Variants in CPSF2 observed in about 807,000 individuals in gnomAD.
The protein encoded by CPSF2 is cleavage and polyadenylation specific factor 2.
Under a neutral mutation model 84.2 loss-of-function variants are expected in CPSF2, and 51 were observed. The observed-to-expected ratio is 0.61, with a 90% CI of 0.48 to 0.77. The LOEUF is 0.77. CPSF2 is among the 30% of genes least tolerant of loss of function. The pLI is 0.00. For synonymous variants in CPSF2, 286 were observed against 311.9 expected, an observed-to-expected ratio of 0.92 and a Z score of 0.87; for missense variants, 641 against 929.4, an observed-to-expected ratio of 0.69 and a Z score of 4.03.
intron 9 of CPSF2, among the ~76,000 whole-genome samples, chr14:92,145,308 A>G (rs1258919475): frequency 1.3e-5 from 2 of 152,050 alleles, no homozygotes; most frequent in Non-Finnish European, 1.5e-5. Flanking sequence ...ATCATAGCTC[A>G]CTGTACCCTC....
At position 92,155,172 on chromosome 14, in the gene CPSF2, C is replaced by A; in HGVS notation, c.1291C>A (p.Gln431Lys). The change falls in exon 11 of 16, where the codon CAG becomes AAG. Residue 431 changes from glutamine to lysine, a missense_variant. Gln to Lys is a moderately conservative substitution (Grantham distance 53). This residue lies in a region of CPSF2 where 430 missense variants were observed against 553.6 expected (regional missense o/e 0.78). Coordinates refer to ENST00000298875, the MANE Select transcript of CPSF2 (RefSeq NM_017437.3). ...GAGTGATATTGAGGAAGATATTGACCAGCCATCAGCTCATAAGACGAAGCA... is the reference window on the plus strand; with the variant it reads ...GAGTGATATTGAGGAAGATATTGACAAGCCATCAGCTCATAAGACGAAGCA... ...DESDIEEDID[Q>K]PSAHKTKHDL... The A allele has an allele frequency of 6.2e-7, 1 of 1,613,884 alleles. No homozygotes were observed. The highest frequency in any genetic ancestry group is 8.5e-7 in the Non-Finnish European group (1 of 1,179,894).
intron 15 of CPSF2, 134 bp downstream of exon 15, chr14:92,161,380 A>G: frequency 9.7e-7 from 1 of 1,027,460 alleles, no homozygotes; most frequent in African/African-American, 1.7e-5. Flanking sequence ...CATGACCTCA[A>G]AGGCTTACAG....
intron 5 of CPSF2, among the ~76,000 whole-genome samples, chr14:92,135,104 C>T (rs534389155): frequency 6.6e-6 from 1 of 152,254 alleles, no homozygotes; most frequent in African/African-American, 2.4e-5. Context: ...GCTTTTAAAT[C>T]TAATCTCTAG....
At position 92,164,241 on chromosome 14, in the gene CPSF2, C is replaced by T. The variant is rs1473305496; in HGVS notation, c.*2497C>T. Reference sequence around the variant, plus strand: ...TTCTTTATAGCAGTGTGAGAACAGACTAATATGAATACCAATACTGAAAAA... The same window carrying T: ...TTCTTTATAGCAGTGTGAGAACAGATTAATATGAATACCAATACTGAAAAA... On this transcript the variant is annotated 3_prime_UTR_variant, in exon 16 of 16. Transcript: ENST00000298875. The T allele has an allele frequency of 6.6e-6, 1 of 152,174 alleles. No homozygotes were observed. Among genetic ancestry groups the T allele is most frequent in the Admixed American group, 6.5e-5 (1 of 15,268 alleles). 9.4% of individuals were successfully genotyped at this position (152,174 alleles called of 1,614,324 possible). A position where few individuals can be genotyped will look rare whatever the true frequency, so the allele number is the denominator to read the frequency against.
intron 7 of CPSF2, among the ~76,000 whole-genome samples, chr14:92,139,950 A>ATTTTTTTTTT (rs34354391): frequency 2.0e-5 from 2 of 97,668 alleles, no homozygotes; most frequent in Admixed American, 1.2e-4. Context: ...AAGTACAACT[A>ATTTTTTTTTT]TTTTTTTTTT....
At chr14:92,134,491 A>T in intron 5 of CPSF2, 136 bp downstream of exon 5, 1 of 616,444 alleles carries the variant, frequency 1.6e-6, no homozygotes, top group Non-Finnish European at 2.9e-6. Context: ...CTGCCTTGAT[A>T]CAGAACTCTT....
intron 9 of CPSF2, among the ~76,000 whole-genome samples, chr14:92,148,389 G>A (rs1054006214): frequency 1.3e-5 from 2 of 152,080 alleles, no homozygotes; most frequent in Non-Finnish European, 2.9e-5. Flanking sequence ...GCAATCTCCA[G>A]CAAAACTGTG....
chr14:92,143,921 G>A (rs543591895), intron 9 of CPSF2, among the ~76,000 whole-genome samples: 1 of 152,264 alleles, frequency 6.6e-6, no homozygotes, highest in African/African-American at 2.4e-5. Context: ...TCTGTGAAAG[G>A]TTCCTTTCCT....
rs573911167 is a variant in CPSF2 at position 92,163,599 on chromosome 14, A to G, written c.*1855A>G. On this transcript the variant is annotated 3_prime_UTR_variant, in exon 16 of 16. Coordinates refer to ENST00000298875, the MANE Select transcript of CPSF2 (RefSeq NM_017437.3). ...GTCCCCACCAAATTGAATTGTGTTA[A>G]TAGTTCCCATAATCCCTACGTGTTG... 6.5e-6 allele frequency: 1 copy of G among 152,756 alleles called. No individual in the cohort carries two copies. Among genetic ancestry groups the G allele is most frequent in the East Asian group, 1.9e-4 (1 of 5,180 alleles). 9.5% of individuals were successfully genotyped at this position (152,756 alleles called of 1,614,324 possible).
At chr14:92,145,051 A>G (rs1408667085) in intron 9 of CPSF2, among the ~76,000 whole-genome samples, 1 of 152,208 alleles carries the variant, frequency 6.6e-6, no homozygotes, top group African/African-American at 2.4e-5. Flanking sequence ...CCAGCCCATC[A>G]AATCTATCGA....
intron 2 of CPSF2, among the ~76,000 whole-genome samples, chr14:92,130,334 A>G (rs1040609199): frequency 6.6e-6 from 1 of 152,094 alleles, no homozygotes; most frequent in Non-Finnish European, 1.5e-5. Flanking sequence ...CAGATTCTCA[A>G]GGGGATCTAT....
rs751737482 is a variant in CPSF2, at chr14:92,157,874, AC to A, written c.1812del (p.His604GlnfsTer5). The A allele has an allele frequency of 6.2e-7, 1 of 1,611,402 alleles. No homozygotes were observed. The part of the protein sequence containing the change: ...HETVDATSET[H>X]IYQVRLKDSL... ...ACAGTTGATGCCACTAGTGAAACTC[AC>A]ATCTACCAGGTAAACATGCCAGGAG... is the stretch of plus-strand genomic sequence containing the variant. On this transcript the variant is annotated frameshift_variant, in exon 13 of 16. Coordinates refer to ENST00000298875, the MANE Select transcript of CPSF2 (RefSeq NM_017437.3). LOFTEE classifies it high-confidence loss of function. The surrounding 1 kb of genome is among the most constrained non-coding windows in gnomAD (Gnocchi z 4.0).
chr14:92,140,460 G>A (rs2069062112), intron 7 of CPSF2, among the ~76,000 whole-genome samples: 1 of 138,538 alleles, frequency 7.2e-6, no homozygotes, highest in Non-Finnish European at 1.5e-5. Flanking sequence ...TTGAGATGTA[G>A]TCTCGCTCTG....
In CPSF2 at chr14:92,168,884, G is replaced by A. The variant is rs568880107; in HGVS notation, c.*7140G>A. Reference sequence around the variant, plus strand: ...CCATCTCTCTTTCTCTCTCCATATAGTCAAAGAGAACCAAAAATGTATGTG... The same window carrying A: ...CCATCTCTCTTTCTCTCTCCATATAATCAAAGAGAACCAAAAATGTATGTG... On this transcript the variant is annotated 3_prime_UTR_variant, in exon 16 of 16. Transcript: ENST00000298875. 6.6e-6 allele frequency: 1 copy of A among 152,250 alleles called. No individual in the cohort carries two copies. The highest frequency in any genetic ancestry group is 2.1e-4 in the South Asian group (1 of 4,828). The allele number at this position is 152,250 out of a possible 1,614,324, so 9.4% of individuals were successfully genotyped here.
intron 9 of CPSF2, 49 bp from the exon 10 acceptor site, chr14:92,154,309 C>A: frequency 1.5e-6 from 2 of 1,345,896 alleles, no homozygotes; most frequent in Non-Finnish European, 2.1e-6. Flanking sequence ...GCTTTAACCC[C>A]CTAATATTAA....
Position 92,163,445 on chromosome 14 carries a change from T to C in CPSF2, c.*1701T>C, listed in dbSNP as rs567698682. 2.8e-3 allele frequency: 421 copies of C among 152,732 alleles called. 2 individuals are homozygous for C. The highest frequency in any genetic ancestry group is 3.1e-3 in the Admixed American group (47 of 15,304). The allele number at this position is 152,732 out of a possible 1,614,324, so 9.5% of individuals were successfully genotyped here. ...TGCTTTGGAAAAATTTCACTTAAAC[T>C]CTTATTACTGTATAGATTAAGCCCT... On this transcript the variant is annotated 3_prime_UTR_variant, in exon 16 of 16. Coordinates refer to ENST00000298875, the MANE Select transcript of CPSF2 (RefSeq NM_017437.3).
At chr14:92,150,057 C>T (rs1317574468) in intron 9 of CPSF2, among the ~76,000 whole-genome samples, 2 of 151,972 alleles carry the variant, frequency 1.3e-5, no homozygotes, top group Non-Finnish European at 2.9e-5. Context: ...AAGAAAAACA[C>T]TTGTATGTTT....
At position 92,161,628 on chromosome 14, in the gene CPSF2, G is replaced by A. The variant is rs371469372; in HGVS notation, c.2257-24G>A. Reference sequence around the variant, plus strand: ...ATTAATGAATAGAAAATGTACTAAAGAATTTTTTTTATTTGGTTTCTAGAC... The same window carrying A: ...ATTAATGAATAGAAAATGTACTAAAAAATTTTTTTTATTTGGTTTCTAGAC... On this transcript the variant is annotated intron_variant, in intron 15 of 15. Transcript: ENST00000298875. The A allele has an allele frequency of 2.0e-6, 3 of 1,528,152 alleles. No individual in the cohort carries two copies. In the South Asian group the frequency reaches 3.6e-5, roughly 19 times the overall value. 94.7% of individuals were successfully genotyped at this position (1,528,152 alleles called of 1,614,324 possible). A position where few individuals can be genotyped will look rare whatever the true frequency, so the allele number is the denominator to read the frequency against.
At chr14:92,141,294 G>A (rs974358972) in intron 7 of CPSF2, among the ~76,000 whole-genome samples, 43 of 152,240 alleles carry the variant, frequency 2.8e-4, no homozygotes, top group African/African-American at 9.9e-4. Context: ...ATCTAGAGAT[G>A]ATTTAAAGTA....
Sources: allele counts gnomAD v4.1 joint callset (sites outside exome capture counted in the v4.1 genomes callset), GRCh38; gene constraint gnomAD v4.1.1; regional missense constraint gnomAD v4.1.1; non-coding constraint Gnocchi (gnomAD v3.1); transcripts MANE v1.5; gene names NCBI Gene and HGNC (gene_info 2026-07-23, HGNC 2026-07-21).